The following TXLNB variants were observed in gnomAD, a reference collection of about 807,000 sequenced individuals.
TXLNB encodes beta-taxilin.
Under a neutral mutation model 57.4 loss-of-function variants are expected in TXLNB, and 37 were observed. The ratio of observed to expected loss-of-function variants is 0.64; its 90% confidence interval spans 0.50 to 0.85. The LOEUF is 0.85. Among genes scored for constraint, TXLNB ranks in the 40% least tolerant of loss-of-function variants. The probability of loss-of-function intolerance (pLI) is 0.00; values close to 1 mark genes in which losing one functional copy is unlikely to be tolerated. For missense variants in TXLNB, 848 were observed against 825.6 expected (o/e 1.03, Z -0.33); for synonymous variants, 302 against 309.6 (o/e 0.98, Z 0.26).
chr6:139,294,598 G>A (rs916895429), upstream of TXLNB, among the ~76,000 whole-genome samples: 12 of 152,204 alleles, frequency 7.9e-5, no homozygotes, highest in Non-Finnish European at 1.0e-4. Context: ...ATGTGAGGGT[G>A]CAGTGAGAAG....
At chr6:139,274,586 T>A (rs189029738) in intron 3 of TXLNB, among the ~76,000 whole-genome samples, 166 of 152,214 alleles carry the variant, frequency 1.1e-3, no homozygotes, top group African/African-American at 3.6e-3. Context: ...CAATCTCTTG[T>A]TTATTGGGGG....
chr6:139,286,663 C>T (rs1160035286), intron 2 of TXLNB, among the ~76,000 whole-genome samples: 3 of 152,200 alleles, frequency 2.0e-5, no homozygotes, highest in Admixed American at 6.5e-5. Context: ...TCTGTATTTG[C>T]AGCTGCTCCC....
chr6:139,167,018 C>T, the TXLNB span: 3 of 1,614,186 alleles, frequency 1.9e-6, no homozygotes, highest in Non-Finnish European at 1.7e-6. Flanking sequence ...CAGGGGGGGA[C>T]ACTTCGACAC....
the TXLNB span, among the ~76,000 whole-genome samples, chr6:139,159,751 A>T: frequency 6.6e-6 from 1 of 152,208 alleles, no homozygotes; most frequent in Non-Finnish European, 1.5e-5. Flanking sequence ...GTGGGTTTAC[A>T]AGGATGAATG....
intron 2 of TXLNB, among the ~76,000 whole-genome samples, chr6:139,278,429 A>C (rs1776956486): frequency 6.6e-6 from 1 of 152,196 alleles, no homozygotes; most frequent in South Asian, 2.1e-4. Context: ...CCAGCTCTCC[A>C]ATTATGGCCT....
chr6:139,249,035 G>GGCA (rs1283240627), intron 7 of TXLNB, among the ~76,000 whole-genome samples: 3 of 152,236 alleles, frequency 2.0e-5, no homozygotes, highest in Non-Finnish European at 4.4e-5. Context: ...GAAGTAATGA[G>GGCA]TCTTGAAAAA....
At chr6:139,193,122 T>C in the TXLNB span, among the ~76,000 whole-genome samples, 2 of 152,120 alleles carry the variant, frequency 1.3e-5, no homozygotes, top group African/African-American at 2.4e-5. Context: ...TAGGACTCCA[T>C]GTGTTGCAGG....
the TXLNB span, among the ~76,000 whole-genome samples, chr6:139,229,581 C>G: frequency 1.3e-5 from 2 of 152,168 alleles, no homozygotes; most frequent in African/African-American, 4.8e-5. Context: ...CCTTGGCCTC[C>G]CAAAGTGCTG....
At chr6:139,201,271 C>G in the TXLNB span, among the ~76,000 whole-genome samples, 1 of 152,088 alleles carries the variant, frequency 6.6e-6, no homozygotes, top group African/African-American at 2.4e-5. Context: ...GCATCAGGCC[C>G]CAATAGAACA....
chr6:139,293,025 G>A (rs76692566), upstream of TXLNB, among the ~76,000 whole-genome samples: 3,013 of 152,294 alleles, frequency 0.02, 107 homozygotes, highest in East Asian at 0.065. Flanking sequence ...AGACTTTGCA[G>A]ATGTGAGGAA....
chr6:139,228,098 A>G, the TXLNB span, among the ~76,000 whole-genome samples: 1 of 152,160 alleles, frequency 6.6e-6, no homozygotes, highest in African/African-American at 2.4e-5. Context: ...TAGAATTTAG[A>G]CCTCTTTTCT....
chr6:139,263,419 T>C (rs1180534940), intron 4 of TXLNB, among the ~76,000 whole-genome samples: 1 of 152,218 alleles, frequency 6.6e-6, no homozygotes, highest in Non-Finnish European at 1.5e-5. Context: ...AGAACAATCA[T>C]TAAATGTGTC....
chr6:139,290,951 G>A (rs1277548537), intron 1 of TXLNB, among the ~76,000 whole-genome samples: 1 of 152,226 alleles, frequency 6.6e-6, no homozygotes, highest in Non-Finnish European at 1.5e-5. Flanking sequence ...TGTTGCCACT[G>A]ACTTGTGATG....
upstream of TXLNB, among the ~76,000 whole-genome samples, chr6:139,296,884 T>G (rs1691521545): frequency 6.7e-6 from 1 of 149,934 alleles, no homozygotes; most frequent in Non-Finnish European, 1.5e-5. Flanking sequence ...AGACCCCATC[T>G]CTGAAAGCAA....
intron 4 of TXLNB, among the ~76,000 whole-genome samples, chr6:139,263,208 A>G (rs1290867123): frequency 6.6e-6 from 1 of 152,216 alleles, no homozygotes; most frequent in Non-Finnish European, 1.5e-5. Flanking sequence ...CCCTGTAAAA[A>G]CCATGGCATA....
intron 4 of TXLNB, among the ~76,000 whole-genome samples, chr6:139,264,164 C>T (rs1269054126): frequency 2.6e-5 from 4 of 152,034 alleles, no homozygotes; most frequent in African/African-American, 7.2e-5. Flanking sequence ...ATAAACTATC[C>T]GAGATGTTAT....
At chr6:139,302,413 G>A in the TXLNB span, among the ~76,000 whole-genome samples, 11 of 151,668 alleles carry the variant, frequency 7.3e-5, 1 homozygote, top group African/African-American at 2.4e-5. Flanking sequence ...CCACAAAAAT[G>A]AATCTAGTGG....
chr6:139,228,982 G>C, the TXLNB span, among the ~76,000 whole-genome samples: 1 of 152,152 alleles, frequency 6.6e-6, no homozygotes. Flanking sequence ...GCCAGGACTG[G>C]GTGAGTGGGT....
At chr6:139,207,104 A>G in the TXLNB span, among the ~76,000 whole-genome samples, 1 of 152,194 alleles carries the variant, frequency 6.6e-6, no homozygotes, top group Non-Finnish European at 1.5e-5. Flanking sequence ...GAAAAAATAG[A>G]CTTAAACTAC....
Sources: allele counts gnomAD v4.1 joint callset (sites outside exome capture counted in the v4.1 genomes callset), GRCh38; gene constraint gnomAD v4.1.1; transcripts MANE v1.5; gene names NCBI Gene and HGNC (gene_info 2026-07-23, HGNC 2026-07-21).